Variants in SHISA6 observed in about 807,000 individuals in gnomAD.
SHISA6 encodes protein shisa-6.
A neutral mutation model predicts 47.9 loss-of-function variants in SHISA6; 22 were observed. The ratio of observed to expected loss-of-function variants is 0.46; its 90% CI spans 0.33 to 0.66. The LOEUF (loss-of-function observed/expected upper bound fraction) is 0.66, where lower values mean the gene tolerates loss of function less well. SHISA6 is among the 30% of genes least tolerant of loss of function. The pLI, the probability that SHISA6 is intolerant of heterozygous loss-of-function variation, is 0.02. For missense variants in SHISA6, 680 were observed against 764.6 expected (o/e 0.89, Z 1.30); for synonymous variants, 388 against 337.8 (o/e 1.15, Z -1.63).
At chr17:11,300,712 T>G (rs1362277417) in intron 2 of SHISA6, among the ~76,000 whole-genome samples, 1 of 151,490 alleles carries the variant, frequency 6.6e-6, no homozygotes, top group South Asian at 2.1e-4. Flanking sequence ...GGTTTAAATA[T>G]TACCCCTTCA....
chr17:11,447,219 G>T (rs533364316), intron 3 of SHISA6, among the ~76,000 whole-genome samples: 1 of 152,324 alleles, frequency 6.6e-6, no homozygotes, highest in Admixed American at 6.5e-5. Context: ...AGAGTAACCT[G>T]CAGTCTTCAC....
chr17:11,318,957 T>C (rs1910614237), intron 2 of SHISA6, among the ~76,000 whole-genome samples: 1 of 152,240 alleles, frequency 6.6e-6, no homozygotes, highest in African/African-American at 2.4e-5. Flanking sequence ...GGATCTGTTA[T>C]CCTTTTGGCT....
intron 2 of SHISA6, among the ~76,000 whole-genome samples, chr17:11,284,565 G>T (rs981085803): frequency 6.6e-6 from 1 of 152,202 alleles, no homozygotes; most frequent in Non-Finnish European, 1.5e-5. Flanking sequence ...GTAATTCACA[G>T]TGTCTGCCCC....
At chr17:11,278,983 A>G (rs1468730622) in intron 2 of SHISA6, among the ~76,000 whole-genome samples, 1 of 152,154 alleles carries the variant, frequency 6.6e-6, no homozygotes, top group Non-Finnish European at 1.5e-5. Context: ...GCCATTTAAG[A>G]GTGAGCCACA....
chr17:11,434,130 T>C (rs1251262327), intron 3 of SHISA6, among the ~76,000 whole-genome samples: 1 of 151,626 alleles, frequency 6.6e-6, no homozygotes, highest in Non-Finnish European at 1.5e-5. Context: ...GTAGCACAAT[T>C]TTGGCTCATT....
At chr17:11,509,448 G>A (rs1341751137) in intron 3 of SHISA6, among the ~76,000 whole-genome samples, 2 of 152,206 alleles carry the variant, frequency 1.3e-5, no homozygotes, top group Non-Finnish European at 2.9e-5. Flanking sequence ...AGGAAACTGA[G>A]CTTCAGAGAG....
At chr17:11,302,203 G>A (rs1567565971) in intron 2 of SHISA6, among the ~76,000 whole-genome samples, 1 of 152,146 alleles carries the variant, frequency 6.6e-6, no homozygotes, top group Non-Finnish European at 1.5e-5. Flanking sequence ...ATCAGGCCTA[G>A]AGCTTAACTT....
chr17:11,406,511 G>T (rs562654951), intron 3 of SHISA6, among the ~76,000 whole-genome samples: 1 of 152,190 alleles, frequency 6.6e-6, no homozygotes, highest in South Asian at 2.1e-4. Context: ...CACAATTCTC[G>T]GCAACTCCTC....
intron 3 of SHISA6, among the ~76,000 whole-genome samples, chr17:11,486,151 A>T (rs189542093): frequency 6.6e-6 from 1 of 152,162 alleles, no homozygotes; most frequent in African/African-American, 2.4e-5. Context: ...ACAGCCCTCA[A>T]TTGTGCTGAA....
chr17:11,316,850 G>C (rs1308142913), intron 2 of SHISA6, among the ~76,000 whole-genome samples: 1 of 152,054 alleles, frequency 6.6e-6, no homozygotes, highest in Non-Finnish European at 1.5e-5. Context: ...GCAGGAGTTT[G>C]TTTTATTATT....
intron 2 of SHISA6, among the ~76,000 whole-genome samples, chr17:11,360,229 T>C (rs746952391): frequency 1.3e-5 from 2 of 152,106 alleles, no homozygotes; most frequent in Admixed American, 6.5e-5. Context: ...GAAAACCAAA[T>C]GCCGCATGTT....
intron 3 of SHISA6, among the ~76,000 whole-genome samples, chr17:11,459,861 A>G (rs17699516): frequency 0.031 from 4,777 of 152,304 alleles, 101 homozygotes; most frequent in Non-Finnish European, 0.045. Flanking sequence ...CTTCTGGGCA[A>G]GTCCCTGCAG....
At chr17:11,272,521 T>C (rs962412409) in intron 2 of SHISA6, among the ~76,000 whole-genome samples, 1 of 152,200 alleles carries the variant, frequency 6.6e-6, no homozygotes, top group African/African-American at 2.4e-5. Flanking sequence ...TTGATCACTT[T>C]ACTTAACCTT....
intron 3 of SHISA6, among the ~76,000 whole-genome samples, chr17:11,545,704 G>A (rs1259975147): frequency 6.6e-6 from 1 of 152,212 alleles, no homozygotes; most frequent in Non-Finnish European, 1.5e-5. Context: ...GTTGTTTCAG[G>A]TAGGACAGCT....
intron 2 of SHISA6, among the ~76,000 whole-genome samples, chr17:11,321,130 G>C (rs1353037050): frequency 6.6e-6 from 1 of 152,192 alleles, no homozygotes; most frequent in African/African-American, 2.4e-5. Context: ...CTTTGTCATT[G>C]TATTGGCCTT....
At chr17:11,346,476 C>T (rs1911702241) in intron 2 of SHISA6, among the ~76,000 whole-genome samples, 1 of 152,080 alleles carries the variant, frequency 6.6e-6, no homozygotes, top group East Asian at 1.9e-4. Flanking sequence ...TCAGAGATTT[C>T]AGAGGTAGGT....
At chr17:11,317,641 C>T (rs1226866122) in intron 2 of SHISA6, among the ~76,000 whole-genome samples, 1 of 151,476 alleles carries the variant, frequency 6.6e-6, no homozygotes, top group Non-Finnish European at 1.5e-5. Flanking sequence ...TTTTGTTTTG[C>T]TTACTTACTT....
chr17:11,296,430 T>C (rs1053398141), intron 2 of SHISA6, among the ~76,000 whole-genome samples: 1 of 152,082 alleles, frequency 6.6e-6, no homozygotes, highest in African/African-American at 2.4e-5. Context: ...TTGATTTGTG[T>C]ATGGATTGGG....
chr17:11,549,666 C>T (rs568625069), intron 3 of SHISA6, among the ~76,000 whole-genome samples: 1 of 152,192 alleles, frequency 6.6e-6, no homozygotes, highest in East Asian at 1.9e-4. Flanking sequence ...CTGGTGATAC[C>T]TCAACTCTGA....
Sources: allele counts gnomAD v4.1 joint callset (sites outside exome capture counted in the v4.1 genomes callset), GRCh38; gene constraint gnomAD v4.1.1; transcripts MANE v1.5; gene names NCBI Gene and HGNC (gene_info 2026-07-23, HGNC 2026-07-21).